PDE1C: variants seen among roughly 807,000 people sequenced by gnomAD.
PDE1C encodes dual specificity calcium/calmodulin-dependent 3',5'-cyclic nucleotide phosphodiesterase 1C.
PDE1C carries 62 observed loss-of-function variants against 93.1 expected under a neutral mutation model. The observed-to-expected ratio is 0.67, with a 90% confidence interval of 0.54 to 0.82. The LOEUF is 0.82. Ranked by LOEUF, PDE1C falls within the 40% of genes least tolerant of loss-of-function variation. The probability of loss-of-function intolerance (pLI) is 0.00; values close to 1 mark genes in which losing one functional copy is unlikely to be tolerated. For missense variants in PDE1C, 742 were observed against 884.6 expected (o/e 0.84, Z 2.04); for synonymous variants, 325 against 310.1 (o/e 1.05, Z -0.50).
chr7:31,957,885 T>A (rs931324990), intron 2 of PDE1C, among the ~76,000 whole-genome samples: 2 of 151,990 alleles, frequency 1.3e-5, no homozygotes, highest in Non-Finnish European at 2.9e-5. Context: ...CAAGTTACCA[T>A]CCAAAGGCTA....
chr7:32,422,991 C>T (rs1028366717), intron 1 of PDE1C, among the ~76,000 whole-genome samples: 1 of 152,158 alleles, frequency 6.6e-6, no homozygotes, highest in Non-Finnish European at 1.5e-5. Context: ...TCTACTCGCC[C>T]TCCCAGTGAT....
chr7:31,800,398 A>G (rs1200056699), intron 16 of PDE1C, among the ~76,000 whole-genome samples: 7 of 151,582 alleles, frequency 4.6e-5, no homozygotes, highest in Non-Finnish European at 1.0e-4. Context: ...GCTTTATGAT[A>G]AATTTTGAGA....
Position 32,209,374 on chromosome 7 carries a change from A to G in PDE1C, c.136+115T>C, listed in dbSNP as rs904081449. 5 of 863,924 alleles carry G rather than the reference A, an allele frequency of 5.8e-6. No homozygotes were observed. The Admixed American group carries it at 1.5e-4, about 25-fold the overall frequency. 53.5% of individuals were successfully genotyped at this position (863,924 alleles called of 1,614,324 possible). A position where few individuals can be genotyped will look rare whatever the true frequency, so the allele number is the denominator to read the frequency against. ...ATGTTAACCAGATGATATTTCCTGC[A>G]TTACTATTTTATTAACACCTGACAG... On this transcript the variant is annotated intron_variant, in intron 2 of 18. Transcript: ENST00000396193.
intron 1 of PDE1C, among the ~76,000 whole-genome samples, chr7:32,362,521 T>C (rs1322712934): frequency 1.3e-5 from 2 of 152,174 alleles, no homozygotes; most frequent in East Asian, 1.9e-4. Context: ...TTCTGCTGGA[T>C]ATTTTAAGCC....
At chr7:32,177,058 A>G (rs999835791) in intron 2 of PDE1C, among the ~76,000 whole-genome samples, 1 of 152,230 alleles carries the variant, frequency 6.6e-6, no homozygotes, top group African/African-American at 2.4e-5. Context: ...TAATAATAAT[A>G]TTAACAATTT....
intron 2 of PDE1C, among the ~76,000 whole-genome samples, chr7:32,035,278 C>G (rs1790894980): frequency 6.6e-6 from 1 of 152,106 alleles, no homozygotes; most frequent in South Asian, 2.1e-4. Context: ...CATTCCAACC[C>G]CACAATAAAC....
chr7:32,288,479 G>T (rs1435701708), intron 1 of PDE1C, among the ~76,000 whole-genome samples: 1 of 152,224 alleles, frequency 6.6e-6, no homozygotes, highest in African/African-American at 2.4e-5. Context: ...TGTCTTAAAC[G>T]GTTGGCCTCA....
chr7:31,738,281 G>C, the PDE1C span, among the ~76,000 whole-genome samples: 2 of 152,170 alleles, frequency 1.3e-5, no homozygotes, highest in African/African-American at 4.8e-5. Context: ...TAATTACAAA[G>C]GAAAGAGGTT....
At chr7:31,853,116 T>C (rs967181324) in intron 7 of PDE1C, among the ~76,000 whole-genome samples, 5 of 152,116 alleles carry the variant, frequency 3.3e-5, no homozygotes, top group African/African-American at 4.8e-5. Flanking sequence ...ACAACCATAG[T>C]GATGCTTCCC....
the PDE1C span, among the ~76,000 whole-genome samples, chr7:31,656,859 A>G: frequency 6.8e-6 from 1 of 147,720 alleles, no homozygotes; most frequent in Non-Finnish European, 1.5e-5. Flanking sequence ...AAAAGAGCAT[A>G]GAAGGGAAAC....
chr7:32,112,802 A>G (rs866843945), intron 3 of PDE1C, among the ~76,000 whole-genome samples: 4 of 98,630 alleles, frequency 4.1e-5, no homozygotes, highest in Non-Finnish European at 8.7e-5. Flanking sequence ...ATATATACAT[A>G]TATGTGTGTG....
chr7:32,248,333 A>G (rs2128873670), intron 1 of PDE1C, among the ~76,000 whole-genome samples: 1 of 152,324 alleles, frequency 6.6e-6, no homozygotes, highest in African/African-American at 2.4e-5. Flanking sequence ...AAGAACGTGC[A>G]CCAAGAATGT....
intron 1 of PDE1C, among the ~76,000 whole-genome samples, chr7:32,065,088 G>A (rs1225352600): frequency 6.6e-6 from 1 of 150,976 alleles, no homozygotes; most frequent in Non-Finnish European, 1.5e-5. Context: ...CAGTGAGGGG[G>A]AGGTGGTGAG....
chr7:31,742,695 G>C, the PDE1C span, among the ~76,000 whole-genome samples: 17 of 152,146 alleles, frequency 1.1e-4, no homozygotes, highest in African/African-American at 4.1e-4. Context: ...TATAGTTGAG[G>C]GGGAGGACAG....
chr7:32,157,552 A>AT, intron 3 of PDE1C, among the ~76,000 whole-genome samples: 1 of 67,806 alleles, frequency 1.5e-5, no homozygotes, highest in Non-Finnish European at 3.2e-5. Context: ...GCCAGCCAAA[A>AT]AATATGGCTG....
chr7:32,197,348 G>A (rs1047826661), intron 2 of PDE1C, among the ~76,000 whole-genome samples: 1 of 152,098 alleles, frequency 6.6e-6, no homozygotes, highest in Non-Finnish European at 1.5e-5. Context: ...ATTGTGAACA[G>A]AAATATAAAA....
At chr7:31,803,399 T>TTTATTATTA (rs70989605) in intron 16 of PDE1C, among the ~76,000 whole-genome samples, 3 of 150,088 alleles carry the variant, frequency 2.0e-5, no homozygotes, top group African/African-American at 4.9e-5. Context: ...GCTTTTTCTT[T>TTTATTATTA]TTATTATTAT....
chr7:31,701,239 G>A, the PDE1C span, among the ~76,000 whole-genome samples: 1 of 152,190 alleles, frequency 6.6e-6, no homozygotes, highest in Non-Finnish European at 1.5e-5. Flanking sequence ...AAAATAGCAG[G>A]AGTTTGGAAG....
intron 2 of PDE1C, among the ~76,000 whole-genome samples, chr7:31,959,343 G>C (rs2129028847): frequency 6.6e-6 from 1 of 152,020 alleles, no homozygotes; most frequent in South Asian, 2.1e-4. Flanking sequence ...CCACCAAGTA[G>C]CTAGGATTAT....
Sources: allele counts gnomAD v4.1 joint callset (sites outside exome capture counted in the v4.1 genomes callset), GRCh38; gene constraint gnomAD v4.1.1; transcripts MANE v1.5; gene names NCBI Gene and HGNC (gene_info 2026-07-23, HGNC 2026-07-21).